DENND2A: variants seen among roughly 807,000 people sequenced by gnomAD.
DENND2A encodes DENN domain containing 2A, also known as DENN domain-containing protein 2A.
DENND2A carries 53 observed loss-of-function variants against 105.3 expected under a neutral mutation model. The observed-to-expected ratio is 0.50, with a 90% CI of 0.40 to 0.63. The LOEUF is 0.63. DENND2A is among the 30% of genes least tolerant of loss of function. The pLI is 0.00. For missense variants in DENND2A, 1,138 were observed against 1,279.6 expected (o/e 0.89, Z 1.69); for synonymous variants, 522 against 508.4 (o/e 1.03, Z -0.36).
intron 16 of DENND2A, 36 bp downstream of exon 16, chr7:140,525,715 C>CA: frequency 6.3e-7 from 1 of 1,582,800 alleles, no homozygotes; most frequent in Non-Finnish European, 8.6e-7. Context: ...TAGGTAAAGA[C>CA]AAAGGGAGCA....
At position 140,627,102 on chromosome 7, in the gene DENND2A, C is replaced by T. The variant is rs140263985; in HGVS notation, c.-248+13402G>A. Among the ~76,000 whole-genome samples, 179 of 152,334 alleles carry T rather than the reference C, an allele frequency of 1.2e-3. 2 individuals are homozygous for T. The highest frequency in any genetic ancestry group is 7.2e-4 in the African/African-American group (30 of 41,572). ...AGCACAGTGCATAGCCCAGAAAAAGCGCTCAGCAAATGTCTTCCATTATTC... is the reference window on the plus strand; with the variant it reads ...AGCACAGTGCATAGCCCAGAAAAAGTGCTCAGCAAATGTCTTCCATTATTC... On this transcript the variant is annotated intron_variant, in intron 1 of 19. Transcript: ENST00000496613.
At chr7:140,628,927 C>T (rs1426548761) in intron 1 of DENND2A, among the ~76,000 whole-genome samples, 1 of 152,170 alleles carries the variant, frequency 6.6e-6, no homozygotes, top group Non-Finnish European at 1.5e-5. Context: ...AGACAGTTCT[C>T]TTTGAGGTGC....
chr7:140,587,556 A>G lies in DENND2A; in HGVS notation c.1123+97T>C, dbSNP rs965249121. 6.6e-6 allele frequency: 10 copies of G among 1,523,444 alleles called. No homozygotes were observed. In the South Asian group the frequency reaches 9.3e-5, roughly 14 times the overall value. 94.4% of individuals were successfully genotyped at this position (1,523,444 alleles called of 1,614,324 possible). Reference sequence around the variant, plus strand: ...TGTCTTCAAGTGTGTGTGTGTGTACATGTGTGTGCACGTGTGTTTCCAGCA... The same window carrying G: ...TGTCTTCAAGTGTGTGTGTGTGTACGTGTGTGTGCACGTGTGTTTCCAGCA... On this transcript the variant is annotated intron_variant, in intron 4 of 19. Coordinates refer to ENST00000496613, the MANE Select transcript of DENND2A (RefSeq NM_015689.5).
intron 14 of DENND2A, among the ~76,000 whole-genome samples, chr7:140,529,484 G>T (rs1244063797): frequency 6.6e-6 from 1 of 152,146 alleles, no homozygotes; most frequent in Non-Finnish European, 1.5e-5. Context: ...TGCTATAAAG[G>T]CCTGTGCCCA....
intron 3 of DENND2A, among the ~76,000 whole-genome samples, chr7:140,589,628 G>A (rs768571493): frequency 2.6e-5 from 4 of 152,114 alleles, no homozygotes; most frequent in African/African-American, 4.8e-5. Context: ...TTGCCATGGC[G>A]AGAGCTCTAT....
intron 12 of DENND2A, among the ~76,000 whole-genome samples, chr7:140,553,658 T>A (rs1199500636): frequency 3.3e-5 from 5 of 152,244 alleles, no homozygotes; most frequent in Non-Finnish European, 5.9e-5. Context: ...TCCGCAGTGT[T>A]TGTGTCCCTG....
chr7:140,527,376 A>G lies in DENND2A; in HGVS notation c.2447T>C (p.Phe816Ser). Residue 816 changes from phenylalanine (F) to serine (S), a missense_variant, in exon 15 of 20, where the codon TTC (phenylalanine) becomes TCC (serine). Physicochemically the swap from Phe to Ser is radical, Grantham distance 155 (BLOSUM62 -2). This residue lies in a region of DENND2A where 627 missense variants were observed against 779.8 expected (regional missense o/e 0.80). Transcript: ENST00000496613. The surrounding 1 kb of genome is among the most constrained non-coding windows in gnomAD (Gnocchi z 4.9). ...CGAGCTGGAGAGCAGCCCGATGAGG[A>G]AGGGCGTCGGCGAGCACACGATGTC... ...MVDIVCSPTP[F>S]LIGLLSSSLP... 2 of 1,606,514 alleles carry G rather than the reference A, an allele frequency of 1.2e-6. No homozygotes were observed. The highest frequency in any genetic ancestry group is 8.5e-7 in the Non-Finnish European group (1 of 1,177,812).
chr7:140,591,667 CTTTCTCTT>C (rs1379114102), intron 3 of DENND2A, among the ~76,000 whole-genome samples: 3 of 148,212 alleles, frequency 2.0e-5, no homozygotes, highest in Non-Finnish European at 3.0e-5. Flanking sequence ...TTCTTTCTTT[CTTTCTCTT>C]TCTTTCTTTC....
intron 6 of DENND2A, among the ~76,000 whole-genome samples, chr7:140,573,560 G>C (rs933954150): frequency 2.0e-5 from 3 of 152,126 alleles, no homozygotes; most frequent in African/African-American, 7.2e-5. Flanking sequence ...TTAAAACCTT[G>C]TCTGGGATTA....
At chr7:140,603,253 TCCAG>T (rs1563172691) in intron 2 of DENND2A, among the ~76,000 whole-genome samples, 1 of 151,258 alleles carries the variant, frequency 6.6e-6, no homozygotes, top group Non-Finnish European at 1.5e-5. Flanking sequence ...ACCACTGCAC[TCCAG>T]CCTGGGCAAC....
intron 1 of DENND2A, among the ~76,000 whole-genome samples, chr7:140,622,169 G>A (rs540990056): frequency 6.6e-6 from 1 of 152,058 alleles, no homozygotes; most frequent in South Asian, 2.1e-4. Context: ...AGGCTGAGAT[G>A]GACAGATCAC....
intron 1 of DENND2A, among the ~76,000 whole-genome samples, chr7:140,625,256 A>T (rs911072783): frequency 6.6e-6 from 1 of 150,900 alleles, no homozygotes; most frequent in Non-Finnish European, 1.5e-5. Context: ...GCATGCCTGT[A>T]ATCCAAGCTA....
chr7:140,584,086 A>G (rs1798672320), intron 5 of DENND2A, among the ~76,000 whole-genome samples: 1 of 148,006 alleles, frequency 6.8e-6, no homozygotes, highest in South Asian at 2.1e-4. Context: ...TACTAAAAGT[A>G]CAAAAATTAG....
Position 140,544,672 on chromosome 7 carries a change from A to G in DENND2A, c.2273T>C (p.Val758Ala), listed in dbSNP as rs371322544. 20 of 1,613,980 alleles carry G rather than the reference A, an allele frequency of 1.2e-5. No individual in the cohort carries two copies. In the Admixed American group the frequency reaches 1.3e-4, roughly 11 times the overall value. The change falls in exon 14 of 20, where the codon GTG becomes GCG. Residue 758 changes from valine (V) to alanine (A), a missense_variant. Transcript: ENST00000496613. ...CCTCTCCAGAAGCAGGGAGGCAAACACACAGACCAGGTGGCGGACGCTGAG... is the reference window on the plus strand; with the variant it reads ...CCTCTCCAGAAGCAGGGAGGCAAACGCACAGACCAGGTGGCGGACGCTGAG... ...SSLSVRHLVC[V>A]FASLLLERRV...
At chr7:140,611,438 C>G (rs11767550) in intron 1 of DENND2A, among the ~76,000 whole-genome samples, 43,932 of 151,976 alleles carry the variant, frequency 0.29, 6,484 homozygotes, top group Middle Eastern at 0.38. Flanking sequence ...ACGCAGGAGG[C>G]TTAGGGGGAG....
chr7:140,600,006 A>T (rs1799424775), intron 3 of DENND2A, among the ~76,000 whole-genome samples: 1 of 152,092 alleles, frequency 6.6e-6, no homozygotes. Flanking sequence ...TTTGGGATAA[A>T]GTTTTGAAAC....
At chr7:140,580,577 C>T (rs1172161839) in intron 5 of DENND2A, among the ~76,000 whole-genome samples, 1 of 152,140 alleles carries the variant, frequency 6.6e-6, no homozygotes, top group Non-Finnish European at 1.5e-5. Flanking sequence ...ACCTTGGCTT[C>T]CCAAAGTGCT....
At position 140,528,027 on chromosome 7, in the gene DENND2A, G is replaced by A. The variant is rs183336060; in HGVS notation, c.2328-532C>T. Among the ~76,000 whole-genome samples the A allele has an allele frequency of 8.2e-3, 1,244 of 152,014 alleles. 13 individuals are homozygous for A. Among genetic ancestry groups the A allele is most frequent in the Non-Finnish European group, 0.013 (888 of 67,980 alleles). On this transcript the variant is annotated intron_variant, in intron 14 of 19. Coordinates refer to ENST00000496613, the MANE Select transcript of DENND2A (RefSeq NM_015689.5). ...GGCTAATTTTTGCATTTTTAGTAGC[G>A]ATGGGGTTTCACCATGTTGGTCAGG...
intron 3 of DENND2A, among the ~76,000 whole-genome samples, chr7:140,591,711 T>TTCTCTCTCTTTCCTTTCCTTTC (rs1563163937): frequency 6.8e-6 from 1 of 146,544 alleles, no homozygotes; most frequent in Non-Finnish European, 1.5e-5. Flanking sequence ...CCTTCCTTCT[T>TTCTCTCTCTTTCCTTTCCTTTC]TCTCTCTCTT....
Sources: gnomAD v4.1 joint callset for allele counts (sites outside exome capture counted in the v4.1 genomes callset) on GRCh38, gnomAD v4.1.1 for gene constraint, gnomAD v4.1.1 regional missense constraint, Gnocchi (gnomAD v3.1) non-coding constraint, MANE v1.5 for transcripts, NCBI Gene and HGNC (gene_info 2026-07-23, HGNC 2026-07-21) for gene names.